The following CLCC1 variants were observed in gnomAD, a reference collection of about 807,000 sequenced individuals.
CLCC1 encodes chloride channel CLIC like 1.
Under a neutral mutation model 63.3 loss-of-function variants are expected in CLCC1, and 39 were observed. The ratio of observed to expected loss-of-function variants is 0.62; its 90% CI spans 0.48 to 0.81. The LOEUF (loss-of-function observed/expected upper bound fraction) is 0.81, where lower values mean the gene tolerates loss of function less well. CLCC1 is among the 30% of genes least tolerant of loss of function. The pLI, the probability that CLCC1 is intolerant of heterozygous loss-of-function variation, is 0.00. For synonymous variants in CLCC1, 217 were observed against 239.8 expected (o/e 0.90, Z 0.88); for missense variants, 549 against 669.4 (o/e 0.82, Z 1.98).
Position 108,953,974 on chromosome 1 carries a change from C to T in CLCC1, c.-11-3526G>A, listed in dbSNP as rs143049041. Reference sequence around the variant, plus strand: ...GCAGTGAGCCAAGATCATGCCATTGCACTCCAGCCTGGGCAACCAGAGTGA... The same window carrying T: ...GCAGTGAGCCAAGATCATGCCATTGTACTCCAGCCTGGGCAACCAGAGTGA... On this transcript the variant is annotated intron_variant, in intron 2 of 12. Coordinates refer to ENST00000369969, the MANE Select transcript of CLCC1 (RefSeq NM_001377458.1). 2.5e-4 allele frequency among the ~76,000 whole-genome samples: 36 copies of T among 142,562 alleles called. No individual in the cohort carries two copies. In the East Asian group the frequency reaches 7.2e-3, roughly 29 times the overall value. 93.5% of individuals were successfully genotyped at this position (142,562 alleles called of 152,430 possible). A position where few individuals can be genotyped will look rare whatever the true frequency, so the allele number is the denominator to read the frequency against.
chr1:108,947,743 A>T, intron 4 of CLCC1, 25 bp from the exon 5 acceptor site: 5 of 1,462,316 alleles, frequency 3.4e-6, no homozygotes, highest in Non-Finnish European at 4.7e-6. Context: ...TCAATTCAAC[A>T]TTAGTTAGAG....
Position 108,934,842 on chromosome 1 carries a change from T to G in CLCC1, c.1484A>C (p.Lys495Thr). Residue 495 changes from lysine to threonine, a missense_variant, in exon 12 of 13, where the codon AAG (lysine) becomes ACG (threonine). Physicochemically the swap from Lys to Thr is moderately conservative, Grantham distance 78. Coordinates refer to ENST00000369969, the MANE Select transcript of CLCC1 (RefSeq NM_001377458.1). ...TGATGTGTCTTGGCCAGAGACAGGC[T>G]TGGCCGACTGGCTGCTTTCAGTACT... ...ESSTESSQSA[K>T]PVSGQDTSGN... is the part of the protein sequence containing the mutation. 6.2e-7 allele frequency: 1 copy of G among 1,614,262 alleles called. No homozygotes were observed.
chr1:108,962,610 T>A (rs964229328), intron 1 of CLCC1, 141 bp from the exon 2 acceptor site: 1 of 152,300 alleles, frequency 6.6e-6, no homozygotes, highest in Non-Finnish European at 1.5e-5. Flanking sequence ...GGCTCACGCT[T>A]GTAATCCCAG....
At chr1:108,938,091 G>A (rs187813735) in intron 10 of CLCC1, among the ~76,000 whole-genome samples, 1 of 152,312 alleles carries the variant, frequency 6.6e-6, no homozygotes, top group African/African-American at 2.4e-5. Flanking sequence ...GGGGATGCAT[G>A]CTTGCGTGTA....
chr1:108,948,246 C>G (rs551203061), intron 4 of CLCC1, among the ~76,000 whole-genome samples: 1 of 152,278 alleles, frequency 6.6e-6, no homozygotes, highest in South Asian at 2.1e-4. Flanking sequence ...AGCAATTAAT[C>G]ATCCCATGCT....
intron 8 of CLCC1, among the ~76,000 whole-genome samples, chr1:108,940,623 T>C (rs1370713963): frequency 1.3e-5 from 2 of 152,196 alleles, no homozygotes; most frequent in Non-Finnish European, 2.9e-5. Flanking sequence ...TCAGTAAATT[T>C]TTAATTTAAA....
rs10607 is a variant in CLCC1 at position 108,930,395 on chromosome 1, C to T, written c.*2152G>A. ...TAAAAAAGTATATAAAATAGTCTTA[C>T]TAAAAATCTAGGTTTTTTTTTCCTC... On this transcript the variant is annotated 3_prime_UTR_variant, in exon 13 of 13. Coordinates refer to ENST00000369969, the MANE Select transcript of CLCC1 (RefSeq NM_001377458.1). 0.26 allele frequency: 39,198 copies of T among 153,066 alleles called. 5,936 individuals carry two copies. The highest frequency in any genetic ancestry group is 0.41 in the African/African-American group (16,996 of 41,400). The allele number at this position is 153,066 out of a possible 1,614,324, so 9.5% of individuals were successfully genotyped here.
intron 2 of CLCC1, among the ~76,000 whole-genome samples, chr1:108,959,838 A>G (rs1656395840): frequency 6.6e-6 from 1 of 152,136 alleles, no homozygotes; most frequent in African/African-American, 2.4e-5. Context: ...TAAATAGAAC[A>G]ATAGTTTCTG....
chr1:108,955,474 G>A (rs529017615), intron 2 of CLCC1, among the ~76,000 whole-genome samples: 8 of 151,558 alleles, frequency 5.3e-5, no homozygotes, highest in African/African-American at 2.0e-4. Context: ...TTTGGTTGAA[G>A]TGGGGCTATG....
chr1:108,949,811 A>G lies in CLCC1; in HGVS notation c.231+9T>C, dbSNP rs772563788. On this transcript the variant is annotated intron_variant, in intron 4 of 12. Transcript: ENST00000369969. ...TAAAAATATAAAATTTATCAATAAA[A>G]AAACTAACCTTATAAGTTAAAGAAT... is the stretch of plus-strand genomic sequence containing the variant. 15 of 1,448,096 alleles carry G rather than the reference A, an allele frequency of 1.0e-5. No individual in the cohort carries two copies. Among genetic ancestry groups the G allele is most frequent in the Middle Eastern group, 1.9e-4 (1 of 5,402 alleles). The allele number at this position is 1,448,096 out of a possible 1,614,324, so 89.7% of individuals were successfully genotyped here. A position where few individuals can be genotyped will look rare whatever the true frequency, so the allele number is the denominator to read the frequency against.
intron 12 of CLCC1, chr1:108,933,104 A>G (rs904460281): frequency 3.3e-5 from 5 of 151,760 alleles, no homozygotes; most frequent in Admixed American, 6.6e-5. Context: ...TCCTCCCTCA[A>G]CCTTCCAAAG....
intron 10 of CLCC1, among the ~76,000 whole-genome samples, chr1:108,939,309 ATT>A (rs1162492145): frequency 2.1e-5 from 3 of 139,804 alleles, no homozygotes; most frequent in Non-Finnish European, 4.7e-5. Flanking sequence ...TATATGTATA[ATT>A]TTTTTTTTTT....
At position 108,947,635 on chromosome 1, in the gene CLCC1, T is replaced by C; in HGVS notation, c.315A>G (p.Leu105=). The part of the protein sequence containing the change: ...PVFRRYLNKI[L]IEAGKLGLPD... ...CAAGTCCAAGCTTTCCAGCTTCAAT[T>C]AAAATCTTATTTAAGTATCTCCTAA... Residue 105 remains leucine, a synonymous_variant, in exon 5 of 13, where the codon TTA becomes TTG. Transcript: ENST00000369969. 7 of 1,611,152 alleles carry C rather than the reference T, an allele frequency of 4.3e-6. No individual in the cohort carries two copies. The highest frequency in any genetic ancestry group is 5.9e-6 in the Non-Finnish European group (7 of 1,178,232).
Position 108,939,621 on chromosome 1 carries a change from T to C in CLCC1, c.1041+15A>G. 6.2e-7 allele frequency: 1 copy of C among 1,612,006 alleles called. No individual in the cohort carries two copies. Among genetic ancestry groups the C allele is most frequent in the Non-Finnish European group, 8.5e-7 (1 of 1,179,054 alleles). On this transcript the variant is annotated intron_variant, in intron 10 of 12. Coordinates refer to ENST00000369969, the MANE Select transcript of CLCC1 (RefSeq NM_001377458.1). ...ACCGCGCCTGGCCCGACAGTGCTAA[T>C]ATATTAATACTAACCAGGATGGCTA...
intron 2 of CLCC1, among the ~76,000 whole-genome samples, chr1:108,955,090 C>A (rs1571077940): frequency 6.6e-6 from 1 of 151,022 alleles, no homozygotes; most frequent in African/African-American, 2.5e-5. Flanking sequence ...GGTGATCCAC[C>A]CGCCTTGGCC....
intron 2 of CLCC1, among the ~76,000 whole-genome samples, chr1:108,956,253 T>TG (rs1655877476): frequency 6.6e-6 from 1 of 151,286 alleles, no homozygotes; most frequent in Non-Finnish European, 1.5e-5. Context: ...CAACCTCTGG[T>TG]GACTGACTTG....
chr1:108,960,011 T>C (rs1265699478), intron 2 of CLCC1, among the ~76,000 whole-genome samples: 1 of 152,014 alleles, frequency 6.6e-6, no homozygotes, highest in African/African-American at 2.4e-5. Flanking sequence ...CATACGTCTA[T>C]ATTTCCAGCT....
intron 11 of CLCC1, among the ~76,000 whole-genome samples, chr1:108,935,361 C>T (rs938499203): frequency 6.6e-6 from 1 of 152,192 alleles, no homozygotes; most frequent in Admixed American, 6.5e-5. Flanking sequence ...GAAAATCACA[C>T]AAGTGTGATA....
intron 2 of CLCC1, among the ~76,000 whole-genome samples, chr1:108,960,083 G>A (rs1404420955): frequency 2.6e-5 from 4 of 152,054 alleles, no homozygotes; most frequent in Admixed American, 6.6e-5. Context: ...GCACTGAGCC[G>A]AGATCACGCC....
Sources: allele counts gnomAD v4.1 joint callset (sites outside exome capture counted in the v4.1 genomes callset), GRCh38; gene constraint gnomAD v4.1.1; transcripts MANE v1.5; gene names NCBI Gene and HGNC (gene_info 2026-07-23, HGNC 2026-07-21).